Variants in MMP26 observed in about 807,000 individuals in gnomAD.
The protein encoded by MMP26 is matrix metallopeptidase 26.
A neutral mutation model predicts 31.0 loss-of-function variants in MMP26; 33 were observed. The ratio of observed to expected loss-of-function variants is 1.06; its 90% CI spans 0.81 to 1.42. MMP26 has a LOEUF of 1.42. Ranked by LOEUF, MMP26 falls within the 40% of genes most tolerant of loss-of-function variation. The pLI is 0.00. For missense variants in MMP26, 347 were observed against 316.1 expected (o/e 1.10, Z -0.74); for synonymous variants, 122 against 114.9 (o/e 1.06, Z -0.40).
intron 2 of MMP26, chr11:4,769,881 T>C (rs17324812): frequency 0.24 from 391,604 of 1,608,486 alleles, 51,554 homozygotes; most frequent in Non-Finnish European, 0.27. Flanking sequence ...AACAAGAAGG[T>C]TGGAAATTTA....
At chr11:4,861,480 T>C (rs1206521298) in intron 2 of MMP26, among the ~76,000 whole-genome samples, 1 of 151,600 alleles carries the variant, frequency 6.6e-6, no homozygotes, top group Non-Finnish European at 1.5e-5. Flanking sequence ...TGTGTATATA[T>C]ATGTATATAT....
chr11:4,877,610 C>T (rs1319974869), intron 2 of MMP26: 1 of 152,192 alleles, frequency 6.6e-6, no homozygotes, highest in Non-Finnish European at 1.5e-5. Flanking sequence ...TTCTATTTCT[C>T]TGCTGTTTAG....
intron 2 of MMP26, among the ~76,000 whole-genome samples, chr11:4,979,853 A>G (rs1356726952): frequency 6.6e-6 from 1 of 152,122 alleles, no homozygotes; most frequent in African/African-American, 2.4e-5. Flanking sequence ...CCCACGCAGA[A>G]AACAATAATT....
At chr11:4,765,820 G>A (rs1050416164) in intron 1 of MMP26, among the ~76,000 whole-genome samples, 1 of 152,176 alleles carries the variant, frequency 6.6e-6, no homozygotes, top group Admixed American at 6.5e-5. Flanking sequence ...AATGTATGGT[G>A]AGTCTTCCAT....
intron 1 of MMP26, chr11:4,752,635 G>C (rs1183908106): frequency 1.3e-5 from 2 of 152,288 alleles, no homozygotes; most frequent in African/African-American, 4.8e-5. Flanking sequence ...ATAGCCAGGA[G>C]CACTGAAGAT....
intron 2 of MMP26, among the ~76,000 whole-genome samples, chr11:4,863,931 C>T (rs1324478951): frequency 1.3e-5 from 2 of 152,198 alleles, no homozygotes; most frequent in African/African-American, 4.8e-5. Context: ...GGTGTGAACT[C>T]ACATACGTGC....
chr11:4,868,335 A>C (rs1440985925), intron 2 of MMP26, among the ~76,000 whole-genome samples: 1 of 152,148 alleles, frequency 6.6e-6, no homozygotes, highest in Non-Finnish European at 1.5e-5. Context: ...TCTCAGCTCA[A>C]AATCTCCTTA....
chr11:4,768,902 G>T (rs1848666521), intron 2 of MMP26: 1 of 811,942 alleles, frequency 1.2e-6, no homozygotes, highest in Middle Eastern at 2.4e-4. Flanking sequence ...CATGCAATAG[G>T]CAGTAAGAGA....
At chr11:4,716,869 G>T (rs1466376154) in intron 1 of MMP26, among the ~76,000 whole-genome samples, 1 of 151,766 alleles carries the variant, frequency 6.6e-6, no homozygotes, top group Non-Finnish European at 1.5e-5. Flanking sequence ...CACCATTTTG[G>T]CCAGGCTGGT....
intron 2 of MMP26, chr11:4,875,389 AATAT>A (rs1850365984): frequency 6.6e-6 from 1 of 152,078 alleles, no homozygotes; most frequent in Admixed American, 6.6e-5. Context: ...GGCTTAAAAT[AATAT>A]ATATTTATTT....
intron 2 of MMP26, chr11:4,946,265 T>C (rs766889828): frequency 2.5e-6 from 4 of 1,613,796 alleles, no homozygotes; most frequent in African/African-American, 1.3e-5. Flanking sequence ...TAGGAGAACA[T>C]TTGCCATGAG....
chr11:4,825,879 C>T (rs1348718930), intron 2 of MMP26, among the ~76,000 whole-genome samples: 2 of 151,948 alleles, frequency 1.3e-5, no homozygotes. Context: ...TTTGATGCTG[C>T]GTTAATCAGG....
intron 2 of MMP26, among the ~76,000 whole-genome samples, chr11:4,956,693 C>T (rs1196160982): frequency 6.6e-6 from 1 of 152,144 alleles, no homozygotes; most frequent in Non-Finnish European, 1.5e-5. Flanking sequence ...ATCCATCTCC[C>T]CGGACCCATT....
At chr11:4,958,272 T>A (rs1209210553) in intron 2 of MMP26, among the ~76,000 whole-genome samples, 1 of 152,230 alleles carries the variant, frequency 6.6e-6, no homozygotes, top group Non-Finnish European at 1.5e-5. Context: ...TTTTTCGAAA[T>A]AATTCCTGCC....
intron 2 of MMP26, chr11:4,955,054 G>T: frequency 2.1e-6 from 3 of 1,454,032 alleles, no homozygotes; most frequent in South Asian, 2.3e-5. Flanking sequence ...TGAGGATCAG[G>T]GTGTAAGACA....
chr11:4,765,498 G>T (rs1403374294), intron 1 of MMP26, among the ~76,000 whole-genome samples: 3 of 152,136 alleles, frequency 2.0e-5, no homozygotes, highest in African/African-American at 7.2e-5. Context: ...TTGGAAACAG[G>T]GAGTTTATGC....
At chr11:4,810,713 G>A (rs1849338613) in intron 2 of MMP26, among the ~76,000 whole-genome samples, 1 of 152,186 alleles carries the variant, frequency 6.6e-6, no homozygotes, top group African/African-American at 2.4e-5. Flanking sequence ...TTCCAAAGAA[G>A]ACCATGCCAT....
chr11:4,847,083 A>G (rs1849881372), intron 2 of MMP26, among the ~76,000 whole-genome samples: 1 of 152,222 alleles, frequency 6.6e-6, no homozygotes, highest in African/African-American at 2.4e-5. Context: ...CTACTAGGTT[A>G]GCACTACCCC....
At chr11:4,862,788 A>T (rs1256371324) in intron 2 of MMP26, among the ~76,000 whole-genome samples, 1 of 152,190 alleles carries the variant, frequency 6.6e-6, no homozygotes, top group East Asian at 1.9e-4. Flanking sequence ...TTAGACACAG[A>T]AGAATTTTTG....
Sources: allele counts gnomAD v4.1 joint callset (sites outside exome capture counted in the v4.1 genomes callset), GRCh38; gene constraint gnomAD v4.1.1; transcripts MANE v1.5; gene names NCBI Gene and HGNC (gene_info 2026-07-23, HGNC 2026-07-21).